The following SEPTIN11 variants were observed in gnomAD, a reference collection of about 807,000 sequenced individuals.
The protein encoded by SEPTIN11 is septin 11, also known as septin-11.
Under a neutral mutation model 51.4 loss-of-function variants are expected in SEPTIN11, and 25 were observed. The ratio of observed to expected loss-of-function variants is 0.49; its 90% CI spans 0.35 to 0.68. The LOEUF (loss-of-function observed/expected upper bound fraction) is 0.68, where lower values mean the gene tolerates loss of function less well. SEPTIN11 is among the 30% of genes least tolerant of loss of function. The probability of loss-of-function intolerance (pLI) is 0.00; values close to 1 mark genes in which losing one functional copy is unlikely to be tolerated. For missense variants in SEPTIN11, 381 were observed against 520.8 expected, an observed-to-expected ratio of 0.73 and a Z score of 2.61; for synonymous variants, 174 against 184.1, an observed-to-expected ratio of 0.95 and a Z score of 0.44.
chr4:76,996,110 G>GT (rs1371159958), intron 1 of SEPTIN11, among the ~76,000 whole-genome samples: 4 of 152,118 alleles, frequency 2.6e-5, no homozygotes, highest in Non-Finnish European at 4.4e-5. Context: ...AGGTTTTTGT[G>GT]TTTTTTTGGT....
chr4:76,967,169 C>T (rs958518701), intron 1 of SEPTIN11, among the ~76,000 whole-genome samples: 9 of 152,042 alleles, frequency 5.9e-5, no homozygotes, highest in Non-Finnish European at 1.2e-4. Context: ...TTTACTGCAG[C>T]CTGGGTGACA....
intron 1 of SEPTIN11, among the ~76,000 whole-genome samples, chr4:76,993,666 T>C (rs1254026029): frequency 6.6e-6 from 1 of 152,174 alleles, no homozygotes; most frequent in East Asian, 1.9e-4. Flanking sequence ...CACATACTGA[T>C]GGGCAGTGAC....
Position 77,038,018 on chromosome 4 carries a change from T to C in SEPTIN11, c.*3506T>C. 1 of 985,874 alleles carries C rather than the reference T, an allele frequency of 1.0e-6. No homozygotes were observed. The highest frequency in any genetic ancestry group is 1.2e-6 in the Non-Finnish European group (1 of 829,942). 61.1% of individuals were successfully genotyped at this position (985,874 alleles called of 1,614,324 possible). ...AAACTATTGGGTGAGGTTTTTCAGCTGTTACCGACCCACGTCCTGCTGTCT... is the reference window on the plus strand; with the variant it reads ...AAACTATTGGGTGAGGTTTTTCAGCCGTTACCGACCCACGTCCTGCTGTCT... On this transcript the variant is annotated 3_prime_UTR_variant, in exon 10 of 10. Coordinates refer to ENST00000264893, the MANE Select transcript of SEPTIN11 (RefSeq NM_018243.4).
chr4:76,971,078 A>G (rs1412275828), intron 1 of SEPTIN11, among the ~76,000 whole-genome samples: 1 of 152,262 alleles, frequency 6.6e-6, no homozygotes, highest in Non-Finnish European at 1.5e-5. Flanking sequence ...ATCTGTATGT[A>G]TATCTTACAT....
intron 1 of SEPTIN11, among the ~76,000 whole-genome samples, chr4:76,954,779 G>A (rs1410406623): frequency 6.6e-6 from 1 of 152,190 alleles, no homozygotes; most frequent in Admixed American, 6.5e-5. Context: ...CAAGCCAAAT[G>A]GCACAGGAAG....
chr4:76,981,757 TTC>T (rs1394980967), intron 1 of SEPTIN11, among the ~76,000 whole-genome samples: 1 of 151,692 alleles, frequency 6.6e-6, no homozygotes, highest in African/African-American at 2.4e-5. Flanking sequence ...TTTTTTTTTT[TTC>T]ATGCTCTGCA....
chr4:77,038,750 C>T (rs771663855), downstream of SEPTIN11: 8 of 670,244 alleles, frequency 1.2e-5, no homozygotes, highest in Non-Finnish European at 1.6e-5. Context: ...AAATGGCTGC[C>T]GTCTGGGTTA....
intron 1 of SEPTIN11, among the ~76,000 whole-genome samples, chr4:76,971,782 T>A (rs1488294551): frequency 6.6e-6 from 1 of 152,136 alleles, no homozygotes; most frequent in African/African-American, 2.4e-5. Context: ...GAAACCACTT[T>A]AAAATAAAAA....
chr4:77,038,585 C>G lies in SEPTIN11; in HGVS notation c.*4073C>G. On this transcript the variant is annotated 3_prime_UTR_variant, in exon 10 of 10. Coordinates refer to ENST00000264893, the MANE Select transcript of SEPTIN11 (RefSeq NM_018243.4). Reference sequence around the variant, plus strand: ...ATATCACTAGTGCCAAGACATAAAGCGGGGGAAAATATATTTTTACCCAAA... The same window carrying G: ...ATATCACTAGTGCCAAGACATAAAGGGGGGGAAAATATATTTTTACCCAAA... 1.0e-5 allele frequency: 10 copies of G among 994,594 alleles called. No homozygotes were observed. Among genetic ancestry groups the G allele is most frequent in the Non-Finnish European group, 1.2e-5 (10 of 835,732 alleles). The allele number at this position is 994,594 out of a possible 1,614,324, so 61.6% of individuals were successfully genotyped here.
chr4:77,005,562 A>G (rs1191535623), intron 2 of SEPTIN11, 39 bp from the exon 3 acceptor site: 34 of 1,559,868 alleles, frequency 2.2e-5, no homozygotes, highest in Non-Finnish European at 3.0e-5. Context: ...TCTGAGAGAC[A>G]TTGACACATT....
chr4:77,033,672 G>A (rs1319498941), intron 9 of SEPTIN11, among the ~76,000 whole-genome samples: 1 of 152,190 alleles, frequency 6.6e-6, no homozygotes, highest in Non-Finnish European at 1.5e-5. Context: ...AGTGGACAGT[G>A]TTCCTCTTTT....
chr4:76,986,247 G>T (rs1307242520), intron 1 of SEPTIN11, among the ~76,000 whole-genome samples: 1 of 152,038 alleles, frequency 6.6e-6, no homozygotes, highest in Non-Finnish European at 1.5e-5. Flanking sequence ...CCTTGAAGTA[G>T]ACATTGCTGC....
chr4:77,014,096 C>T (rs1725055762), intron 4 of SEPTIN11, among the ~76,000 whole-genome samples: 1 of 152,150 alleles, frequency 6.6e-6, no homozygotes, highest in Non-Finnish European at 1.5e-5. Flanking sequence ...TCTGAGTTCT[C>T]CCCTGTTCTT....
intron 1 of SEPTIN11, among the ~76,000 whole-genome samples, chr4:76,965,277 C>A (rs1388934626): frequency 6.6e-6 from 1 of 151,796 alleles, no homozygotes; most frequent in Non-Finnish European, 1.5e-5. Context: ...ATGGTGAAAC[C>A]CCATCTCTAC....
At chr4:76,963,085 G>A (rs1721888614) in intron 1 of SEPTIN11, among the ~76,000 whole-genome samples, 1 of 152,162 alleles carries the variant, frequency 6.6e-6, no homozygotes, top group East Asian at 1.9e-4. Flanking sequence ...TGTTAAAAAA[G>A]CAAGTAGAAA....
At chr4:77,019,047 C>T in intron 5 of SEPTIN11, 118 bp from the exon 6 acceptor site, 1 of 906,208 alleles carries the variant, frequency 1.1e-6, no homozygotes, top group Non-Finnish European at 1.7e-6. Context: ...AAACTGCAGC[C>T]TGCTTTTCCC....
chr4:77,020,987 C>T (rs1725676663), intron 7 of SEPTIN11: 2 of 235,034 alleles, frequency 8.5e-6, no homozygotes, highest in South Asian at 2.0e-4. Context: ...GGGTCCTGAG[C>T]CCAGGTTTCT....
At chr4:76,962,278 A>G (rs1473975444) in intron 1 of SEPTIN11, among the ~76,000 whole-genome samples, 1 of 152,238 alleles carries the variant, frequency 6.6e-6, no homozygotes, top group South Asian at 2.1e-4. Flanking sequence ...CCTTTTGTCA[A>G]AAAATTGTGA....
At chr4:76,991,126 C>T (rs949856081) in intron 1 of SEPTIN11, among the ~76,000 whole-genome samples, 6 of 152,222 alleles carry the variant, frequency 3.9e-5, no homozygotes, top group African/African-American at 1.4e-4. Flanking sequence ...TGATTAATTT[C>T]AGATTTTTAA....
Sources: allele counts gnomAD v4.1 joint callset (sites outside exome capture counted in the v4.1 genomes callset), GRCh38; gene constraint gnomAD v4.1.1; transcripts MANE v1.5; gene names NCBI Gene and HGNC (gene_info 2026-07-23, HGNC 2026-07-21).